The following COL5A2 variants were observed in gnomAD, a reference collection of about 807,000 sequenced individuals.
COL5A2 encodes the protein collagen type V alpha 2 chain, also known as collagen alpha-2(V) chain.
Under a neutral mutation model 208.2 loss-of-function variants are expected in COL5A2, and 23 were observed. The ratio of observed to expected loss-of-function variants is 0.11; its 90% CI spans 0.08 to 0.16. The LOEUF (loss-of-function observed/expected upper bound fraction) is 0.16. COL5A2 is among the 10% of genes least tolerant of loss of function. The pLI is 1.00. For missense variants in COL5A2, 1,590 were observed against 1,956.4 expected (o/e 0.81, Z 3.53); for synonymous variants, 625 against 628.5 (o/e 0.99, Z 0.08).
chr2:189,104,390 G>A, intron 2 of COL5A2, 113 bp from the exon 3 acceptor site: 1 of 791,330 alleles, frequency 1.3e-6, no homozygotes, highest in South Asian at 1.4e-5. Context: ...TACAGTGATA[G>A]TGATTACACT....
chr2:189,149,567 A>C (rs1290031848), intron 1 of COL5A2, among the ~76,000 whole-genome samples: 1 of 152,220 alleles, frequency 6.6e-6, no homozygotes, highest in Non-Finnish European at 1.5e-5. Flanking sequence ...AATCGACTAC[A>C]CTATTAACCA....
chr2:189,063,024 C>T lies in COL5A2; in HGVS notation c.1909G>A (p.Val637Ile). Residue 637 changes from valine to isoleucine, a missense_variant, in exon 28 of 54, where the codon GTT becomes ATT. Val to Ile is a conservative substitution (Grantham distance 29). Coordinates refer to ENST00000374866, the MANE Select transcript of COL5A2 (RefSeq NM_000393.5). ...TGTATATTTACCCTCTGCCCAGGAA[C>T]TCCAGCATTTCCTGCTTCTCCAGGT... The part of the protein sequence containing the change: ...GKPGEAGNAG[V>I]PGQRGAPGKD... 1.2e-6 allele frequency: 2 copies of T among 1,614,160 alleles called. No individual in the cohort carries two copies. The highest frequency in any genetic ancestry group is 1.6e-4 in the Middle Eastern group (1 of 6,062).
the COL5A2 span, among the ~76,000 whole-genome samples, chr2:189,248,754 C>T: frequency 6.6e-6 from 1 of 152,072 alleles, no homozygotes; most frequent in African/African-American, 2.4e-5. Flanking sequence ...TAATTCATGA[C>T]CCAATATTCT....
intron 1 of COL5A2, among the ~76,000 whole-genome samples, chr2:189,114,595 G>C (rs931139265): frequency 2.1e-5 from 3 of 143,344 alleles, no homozygotes; most frequent in Non-Finnish European, 1.5e-5. Context: ...ATTAACCCAA[G>C]CTGACGTCCA....
At chr2:189,332,890 GACA>G in the COL5A2 span, among the ~76,000 whole-genome samples, 2 of 152,168 alleles carry the variant, frequency 1.3e-5, no homozygotes, top group Non-Finnish European at 2.9e-5. Context: ...GTGTTTTGGA[GACA>G]ACATTATTAA....
the COL5A2 span, among the ~76,000 whole-genome samples, chr2:189,425,575 C>A: frequency 6.6e-6 from 1 of 152,126 alleles, no homozygotes; most frequent in Non-Finnish European, 1.5e-5. Flanking sequence ...GGACATTATG[C>A]AAAGTGAAAT....
chr2:189,390,702 C>T, the COL5A2 span, among the ~76,000 whole-genome samples: 1 of 152,118 alleles, frequency 6.6e-6, no homozygotes, highest in African/African-American at 2.4e-5. Flanking sequence ...ACCTATGTTC[C>T]AAAGTTGTTA....
In COL5A2 at chr2:189,064,119, T is replaced by C. The variant is rs189980880; in HGVS notation, c.1717-86A>G. 8,248 of 1,041,852 alleles carry C rather than the reference T, an allele frequency of 7.9e-3. 65 individuals carry two copies. The highest frequency in any genetic ancestry group is 7.4e-3 in the Non-Finnish European group (4,976 of 673,330). The allele number at this position is 1,041,852 out of a possible 1,614,324, so 64.5% of individuals were successfully genotyped here. On this transcript the variant is annotated intron_variant, in intron 25 of 53. Transcript: ENST00000374866. Reference sequence around the variant, plus strand: ...AAGAGTAAAAATAGTGTTGCATTTTTGTCAACTGAATAGAATGACATTTCT... The same window carrying C: ...AAGAGTAAAAATAGTGTTGCATTTTCGTCAACTGAATAGAATGACATTTCT...
At chr2:189,224,417 G>A (rs987884628) in intron 1 of COL5A2, among the ~76,000 whole-genome samples, 2 of 152,046 alleles carry the variant, frequency 1.3e-5, no homozygotes, top group South Asian at 4.1e-4. Flanking sequence ...GGCTGGGCAC[G>A]GTGACTCACG....
chr2:189,319,954 C>G, the COL5A2 span, among the ~76,000 whole-genome samples: 1 of 152,208 alleles, frequency 6.6e-6, no homozygotes, highest in Non-Finnish European at 1.5e-5. Context: ...CCGGGTACCC[C>G]TCTGAGACAA....
In COL5A2 at chr2:189,164,885, T is replaced by C. The variant is rs1288757777; in HGVS notation, c.97+14623A>G. Among the ~76,000 whole-genome samples the C allele has an allele frequency of 1.3e-5, 2 of 152,240 alleles. 1 individual carries two copies. The highest frequency in any genetic ancestry group is 6.3e-3 in the Middle Eastern group (2 of 316). On this transcript the variant is annotated intron_variant, in intron 1 of 53. Transcript: ENST00000374866. ...ATCTGACACAGGGCCAGTTGCTATCTGGACTCTATCCACGTTGAGTTAGTA... is the reference window on the plus strand; with the variant it reads ...ATCTGACACAGGGCCAGTTGCTATCCGGACTCTATCCACGTTGAGTTAGTA...
At chr2:189,386,104 G>A in the COL5A2 span, among the ~76,000 whole-genome samples, 1 of 152,146 alleles carries the variant, frequency 6.6e-6, no homozygotes, top group African/African-American at 2.4e-5. Flanking sequence ...GGAGGAAACT[G>A]TCCCTATGTT....
At chr2:189,367,670 A>G in the COL5A2 span, among the ~76,000 whole-genome samples, 1 of 152,196 alleles carries the variant, frequency 6.6e-6, no homozygotes, top group African/African-American at 2.4e-5. Context: ...AACAACTGAA[A>G]CACTCTATCT....
intron 12 of COL5A2, among the ~76,000 whole-genome samples, chr2:189,082,794 G>A (rs1218921858): frequency 1.3e-5 from 2 of 152,206 alleles, no homozygotes; most frequent in South Asian, 2.1e-4. Flanking sequence ...CTGTGAGCAT[G>A]AGCAAGAGTG....
chr2:189,299,991 C>A, the COL5A2 span, among the ~76,000 whole-genome samples: 5 of 152,162 alleles, frequency 3.3e-5, no homozygotes, highest in African/African-American at 1.2e-4. Flanking sequence ...CATATACTGG[C>A]GGCAGTTCTC....
At chr2:189,225,602 G>T (rs552130324), upstream of COL5A2, among the ~76,000 whole-genome samples, 22 of 151,812 alleles carry the variant, frequency 1.4e-4, no homozygotes, top group East Asian at 3.1e-3. Context: ...ATAACACAGA[G>T]AATATAATCA....
chr2:189,057,024 A>T lies in COL5A2; in HGVS notation c.2340T>A (p.Gly780=), dbSNP rs994797617. ...AGTPGPKGDR[G]GIGEKGAEGT... Reference sequence around the variant, plus strand: ...CTTCAGCACCTTTTTCTCCTATGCCACCCTGGGAAAACACACAAAATACAA... The same window carrying T: ...CTTCAGCACCTTTTTCTCCTATGCCTCCCTGGGAAAACACACAAAATACAA... The change falls in exon 35 of 54, where the codon GGT becomes GGA. Residue 780 remains glycine (G), a splice_region_variant and synonymous_variant. Coordinates refer to ENST00000374866, the MANE Select transcript of COL5A2 (RefSeq NM_000393.5). 2.5e-6 allele frequency: 4 copies of T among 1,613,650 alleles called. No individual in the cohort carries two copies. The East Asian group carries it at 8.9e-5, about 36-fold the overall frequency.
At chr2:189,104,333 C>T (rs1192135899) in intron 2 of COL5A2, 56 bp from the exon 3 acceptor site, 1 of 1,158,270 alleles carries the variant, frequency 8.6e-7, no homozygotes. Context: ...TATTGAGAAT[C>T]TGCTAAATAT....
At position 189,072,105 on chromosome 2, in the gene COL5A2, A is replaced by T; in HGVS notation, c.1105-12T>A. ...ATCCCAAGAGGACCCTATTAAAAGA[A>T]ACCAGAAAAGTAATCAGACATGTAT... On this transcript the variant is annotated splice_polypyrimidine_tract_variant and intron_variant, in intron 17 of 53. Coordinates refer to ENST00000374866, the MANE Select transcript of COL5A2 (RefSeq NM_000393.5). 1 of 1,600,506 alleles carries T rather than the reference A, an allele frequency of 6.2e-7. No homozygotes were observed. Among genetic ancestry groups the T allele is most frequent in the South Asian group, 1.1e-5 (1 of 89,998 alleles).
Sources: gnomAD v4.1 joint callset for allele counts (sites outside exome capture counted in the v4.1 genomes callset) on GRCh38, gnomAD v4.1.1 for gene constraint, MANE v1.5 for transcripts, NCBI Gene and HGNC (gene_info 2026-07-23, HGNC 2026-07-21) for gene names.